PFKFB3: variants seen among roughly 807,000 people sequenced by gnomAD.
PFKFB3 encodes 6-phosphofructo-2-kinase/fructose-2,6-biphosphatase 3.
In PFKFB3, 33 loss-of-function variants were observed where a neutral mutation model predicts 68.0. That is an observed-to-expected ratio of 0.49 (90% CI 0.37 to 0.65). The LOEUF (loss-of-function observed/expected upper bound fraction) is 0.65. Among genes scored for constraint, PFKFB3 ranks in the 30% least tolerant of loss-of-function variants. The probability of loss-of-function intolerance (pLI) is 0.00; values close to 1 mark genes in which losing one functional copy is unlikely to be tolerated. For synonymous variants in PFKFB3, 315 were observed against 288.2 expected, an observed-to-expected ratio of 1.09 and a Z score of -0.94; for missense variants, 586 against 712.2, an observed-to-expected ratio of 0.82 and a Z score of 2.02.
intron 14 of PFKFB3, chr10:6,231,525 C>T (rs1845741817): frequency 1.0e-6 from 1 of 985,386 alleles, no homozygotes; most frequent in East Asian, 1.1e-4. Flanking sequence ...TGGACATCAC[C>T]CGGTCTTGCA....
intron 1 of PFKFB3, among the ~76,000 whole-genome samples, chr10:6,190,712 G>A (rs1385416628): frequency 6.6e-6 from 1 of 152,188 alleles, no homozygotes; most frequent in Non-Finnish European, 1.5e-5. Flanking sequence ...AGGCTCGTGT[G>A]TTTCTTGATA....
the PFKFB3 span, among the ~76,000 whole-genome samples, chr10:6,315,760 A>G: frequency 4.1e-4 from 62 of 152,378 alleles, no homozygotes; most frequent in African/African-American, 1.4e-3. Flanking sequence ...TGTTGGGATT[A>G]TAGGCGTGAA....
At chr10:6,278,838 G>T in the PFKFB3 span, among the ~76,000 whole-genome samples, 1 of 90,876 alleles carries the variant, frequency 1.1e-5, no homozygotes, top group East Asian at 2.2e-4. Flanking sequence ...AGGAGACAGT[G>T]TGGTGGGTGG....
At chr10:6,203,386 G>GCCCCACACAATGGCCC in intron 1 of PFKFB3, 50 bp downstream of exon 1, 2 of 1,474,814 alleles carry the variant, frequency 1.4e-6, no homozygotes, top group African/African-American at 1.4e-5. Context: ...GCGCCGGGCC[G>GCCCCACACAATGGCCC]GGCCATTGTG....
intron 1 of PFKFB3, among the ~76,000 whole-genome samples, chr10:6,173,386 G>C (rs1290726795): frequency 2.0e-5 from 3 of 152,208 alleles, no homozygotes; most frequent in Non-Finnish European, 2.9e-5. Context: ...CTTGTGTGCA[G>C]CTTTTATGTG....
chr10:6,228,049 C>T lies in PFKFB3; in HGVS notation c.1515+1684C>T, dbSNP rs1056366097. On this transcript the variant is annotated intron_variant, in intron 14 of 14. Coordinates refer to ENST00000379775, the MANE Select transcript of PFKFB3 (RefSeq NM_004566.4). The surrounding 1 kb of genome is among the most constrained non-coding windows in gnomAD (Gnocchi z 4.5). ...CTGTCCGCTTCAGAGCTGCCCCTGG[C>T]GTTGGGAGGACAGTCCTTCAGGGTG... 27 of 778,642 alleles carry T rather than the reference C, an allele frequency of 3.5e-5. No individual in the cohort carries two copies. The highest frequency in any genetic ancestry group is 2.4e-4 in the East Asian group (9 of 38,226). The allele number at this position is 778,642 out of a possible 1,614,324, so 48.2% of individuals were successfully genotyped here.
At chr10:6,245,295 C>T (rs1846229688) in intron 14 of PFKFB3, among the ~76,000 whole-genome samples, 1 of 152,012 alleles carries the variant, frequency 6.6e-6, no homozygotes, top group South Asian at 2.1e-4. Flanking sequence ...CGGGGTTTCA[C>T]CATGTTGGCC....
intron 1 of PFKFB3, among the ~76,000 whole-genome samples, chr10:6,152,437 A>G (rs1434650353): frequency 6.6e-6 from 1 of 152,018 alleles, no homozygotes; most frequent in Non-Finnish European, 1.5e-5. Flanking sequence ...CAGGGGAGGA[A>G]GCGTCTGGTA....
Position 6,229,210 on chromosome 10 carries a change from A to G in PFKFB3, c.1515+2845A>G. Reference sequence around the variant, plus strand: ...GGCATGGCGCTCAGATTTTGGTGGCAAAGGGGTGAAGGGCCAGAGGATGTA... The same window carrying G: ...GGCATGGCGCTCAGATTTTGGTGGCGAAGGGGTGAAGGGCCAGAGGATGTA... On this transcript the variant is annotated intron_variant, in intron 14 of 14. Coordinates refer to ENST00000379775, the MANE Select transcript of PFKFB3 (RefSeq NM_004566.4). This position sits in a 1 kb window ranked among gnomAD's most constrained non-coding sequence, Gnocchi z 4.3. 2.0e-6 allele frequency: 1 copy of G among 492,482 alleles called. No homozygotes were observed. The highest frequency in any genetic ancestry group is 4.2e-6 in the Non-Finnish European group (1 of 238,684). 30.5% of individuals were successfully genotyped at this position (492,482 alleles called of 1,614,324 possible).
chr10:6,255,456 C>G (rs761114612), downstream of PFKFB3, among the ~76,000 whole-genome samples: 5 of 152,136 alleles, frequency 3.3e-5, no homozygotes, highest in Non-Finnish European at 7.3e-5. Flanking sequence ...CCCATGTAAG[C>G]GAAGCAAAAT....
Position 6,197,846 on chromosome 10 carries a change from C to G in PFKFB3, c.17-15777C>G, listed in dbSNP as rs936881939. 13 of 152,246 alleles carry G rather than the reference C, an allele frequency of 8.5e-5. 3 individuals carry two copies. Among genetic ancestry groups the G allele is most frequent in the Admixed American group, 8.5e-4 (13 of 15,282 alleles). The allele number at this position is 152,246 out of a possible 1,614,324, so 9.4% of individuals were successfully genotyped here. A position where few individuals can be genotyped will look rare whatever the true frequency, so the allele number is the denominator to read the frequency against. ...AGGTCAACTGTATATGGTTGGCTCT[C>G]ACGATCTAATATTTTACATAGGAAT... On this transcript the variant is annotated intron_variant, in intron 1 of 14. Transcript: ENST00000379789.
the PFKFB3 span, among the ~76,000 whole-genome samples, chr10:6,296,093 A>C: frequency 5.3e-5 from 8 of 152,298 alleles, no homozygotes; most frequent in African/African-American, 1.9e-4. Context: ...CTGTGACCTC[A>C]ATTCTCTGAT....
At chr10:6,244,659 GTC>G (rs1165871180) in intron 14 of PFKFB3, among the ~76,000 whole-genome samples, 1 of 152,022 alleles carries the variant, frequency 6.6e-6, no homozygotes, top group African/African-American at 2.4e-5. Flanking sequence ...GTAATTCTTG[GTC>G]TTCTAAATCC....
In PFKFB3 at chr10:6,235,372, G is replaced by A. The variant is rs1439159447; in HGVS notation, c.*2430G>A. On this transcript the variant is annotated 3_prime_UTR_variant, in exon 15 of 15. Coordinates refer to ENST00000379775, the MANE Select transcript of PFKFB3 (RefSeq NM_004566.4). ...TGGGTTTCATTGTTAATTGGTTTGG[G>A]AGCCTCCTATGTGTGACTTATGACT... is the stretch of plus-strand genomic sequence containing the variant. 1.3e-5 allele frequency: 2 copies of A among 152,284 alleles called. No homozygotes were observed. Among genetic ancestry groups the A allele is most frequent in the Non-Finnish European group, 2.9e-5 (2 of 68,022 alleles). The allele number at this position is 152,284 out of a possible 1,614,324, so 9.4% of individuals were successfully genotyped here. A position where few individuals can be genotyped will look rare whatever the true frequency, so the allele number is the denominator to read the frequency against.
the PFKFB3 span, among the ~76,000 whole-genome samples, chr10:6,260,922 A>G: frequency 6.6e-6 from 1 of 152,202 alleles, no homozygotes; most frequent in Non-Finnish European, 1.5e-5. Context: ...GGATATGTAA[A>G]TGGGAGGTGG....
At chr10:6,250,643 A>C (rs1846360680) in intron 14 of PFKFB3, among the ~76,000 whole-genome samples, 1 of 151,038 alleles carries the variant, frequency 6.6e-6, no homozygotes, top group African/African-American at 2.4e-5. Context: ...TGTGAATGGG[A>C]TTAGGTACCC....
the PFKFB3 span, among the ~76,000 whole-genome samples, chr10:6,287,874 T>C: frequency 6.6e-6 from 1 of 152,222 alleles, no homozygotes; most frequent in Non-Finnish European, 1.5e-5. Context: ...TCTCCATCCT[T>C]TCTTTATGTA....
At chr10:6,152,186 A>C (rs1382784361) in intron 1 of PFKFB3, 1 of 154,436 alleles carries the variant, frequency 6.5e-6, no homozygotes, top group Non-Finnish European at 1.5e-5. Context: ...CACACTTTTG[A>C]GATGCCTGTT....
At chr10:6,277,274 C>T in the PFKFB3 span, among the ~76,000 whole-genome samples, 2 of 151,686 alleles carry the variant, frequency 1.3e-5, no homozygotes, top group Non-Finnish European at 2.9e-5. Context: ...CGCTCTTTCA[C>T]CCAGGCTGGA....
Sources: gnomAD v4.1 joint callset for allele counts (sites outside exome capture counted in the v4.1 genomes callset) on GRCh38, gnomAD v4.1.1 for gene constraint, Gnocchi (gnomAD v3.1) non-coding constraint, MANE v1.5 for transcripts, NCBI Gene and HGNC (gene_info 2026-07-23, HGNC 2026-07-21) for gene names.